The following SCAF8 variants were observed in gnomAD, a reference collection of about 807,000 sequenced individuals.
SCAF8 encodes the protein SR-related CTD associated factor 8.
Under a neutral mutation model 140.5 loss-of-function variants are expected in SCAF8, and 23 were observed. The observed-to-expected ratio is 0.16, with a 90% CI of 0.12 to 0.23. The LOEUF is 0.23. Among genes scored for constraint, SCAF8 ranks in the 10% least tolerant of loss-of-function variants. The pLI, the probability that SCAF8 is intolerant of heterozygous loss-of-function variation, is 1.00. For missense variants in SCAF8, 1,397 were observed against 1,555.7 expected, an observed-to-expected ratio of 0.90 and a Z score of 1.72; for synonymous variants, 575 against 528.9, an observed-to-expected ratio of 1.09 and a Z score of -1.20.
At chr6:154,826,993 T>C (rs527246666) in intron 17 of SCAF8, among the ~76,000 whole-genome samples, 179 bp from the exon 18 acceptor site, 1 of 152,270 alleles carries the variant, frequency 6.6e-6, no homozygotes, top group East Asian at 1.9e-4. Context: ...ACCTAGCTTA[T>C]TAGGGATCAA....
Position 154,733,897 on chromosome 6 carries a change from C to A in SCAF8, c.-4C>A. ...GCCGGGCTCGGGGCCTCCGCAGCGA[C>A]AACATGGAGGCCGTGAAGACCTTCA... On this transcript the variant is annotated 5_prime_UTR_variant, in exon 1 of 20. Coordinates refer to ENST00000367178, the MANE Select transcript of SCAF8 (RefSeq NM_014892.5). 6.5e-7 allele frequency: 1 copy of A among 1,544,614 alleles called. No homozygotes were observed. Among genetic ancestry groups the A allele is most frequent in the South Asian group, 1.2e-5 (1 of 83,812 alleles).
chr6:154,794,813 G>T, intron 5 of SCAF8, among the ~76,000 whole-genome samples, 196 bp from the exon 6 acceptor site: 1 of 88,344 alleles, frequency 1.1e-5, no homozygotes, highest in Non-Finnish European at 2.3e-5. Flanking sequence ...GTGTGTGTGT[G>T]TGTGTGTGTG....
rs1778045321 is a variant in SCAF8 at position 154,810,100 on chromosome 6, A to G, written c.1312A>G (p.Arg438Gly). Reference sequence around the variant, plus strand: ...GCGATCACGCTCCCGCTCAAGAGAAAGAAAGAGGAAATCATCACGGTCGTA... The same window carrying G: ...GCGATCACGCTCCCGCTCAAGAGAAGGAAAGAGGAAATCATCACGGTCGTA... ...RKRSRSRSRERKRKSSRSYSS... is the reference protein window; with the variant it reads ...RKRSRSRSREGKRKSSRSYSS... Residue 438 changes from arginine to glycine, a missense_variant, in exon 12 of 20, where the codon AGA becomes GGA. Around this residue, in one of 5 missense-constraint regions of SCAF8, gnomAD observed 339 missense variants for 407.5 expected, o/e 0.83. Transcript: ENST00000367178. 11 of 1,614,082 alleles carry G rather than the reference A, an allele frequency of 6.8e-6. No homozygotes were observed. Among genetic ancestry groups the G allele is most frequent in the Admixed American group, 1.7e-5 (1 of 60,010 alleles).
At chr6:154,780,843 G>A (rs1777064008) in intron 3 of SCAF8, among the ~76,000 whole-genome samples, 1 of 152,100 alleles carries the variant, frequency 6.6e-6, no homozygotes, top group African/African-American at 2.4e-5. Context: ...ACGTGTGCAT[G>A]CGTCTTTATG....
At chr6:154,821,472 A>G (rs866924657) in intron 15 of SCAF8, among the ~76,000 whole-genome samples, 24 of 152,178 alleles carry the variant, frequency 1.6e-4, no homozygotes, top group African/African-American at 5.1e-4. Context: ...AAAAACAGAT[A>G]ATAAACAAAA....
At chr6:154,734,190 G>C (rs1166082745) in intron 1 of SCAF8, among the ~76,000 whole-genome samples, 1 of 152,214 alleles carries the variant, frequency 6.6e-6, no homozygotes, top group Non-Finnish European at 1.5e-5. Flanking sequence ...CTGCGAGCTC[G>C]GAGGGAAAGA....
intron 3 of SCAF8, among the ~76,000 whole-genome samples, chr6:154,780,163 C>CA (rs1777044570): frequency 6.6e-6 from 1 of 152,098 alleles, no homozygotes; most frequent in Admixed American, 6.6e-5. Flanking sequence ...ATACTCGACT[C>CA]ACCTCCTCCT....
rs772722201 is a variant in SCAF8 at position 154,831,953 on chromosome 6, A to G, written c.2374A>G (p.Ile792Val). Residue 792 changes from isoleucine to valine, a missense_variant, in exon 20 of 20, where the codon ATT becomes GTT. Physicochemically the swap from Ile to Val is conservative, Grantham distance 29. Transcript: ENST00000367178. ...TTTTTTTTTAGTGATTCCAAATGAT[A>G]TTTCAAGTAATGCTGCAATTTTAGG... The part of the protein sequence containing the change: ...ENTRSVIPND[I>V]SSNAAILGGQ... The G allele has an allele frequency of 2.6e-5, 41 of 1,591,916 alleles. 1 individual carries two copies. The South Asian group carries it at 4.6e-4, about 18-fold the overall frequency.
chr6:154,736,838 C>T (rs1341374648), intron 1 of SCAF8, among the ~76,000 whole-genome samples: 1 of 152,124 alleles, frequency 6.6e-6, no homozygotes, highest in East Asian at 1.9e-4. Flanking sequence ...GAACTTAAGT[C>T]TTGTAACTTC....
At chr6:154,792,715 G>T in intron 4 of SCAF8, 108 bp from the exon 5 acceptor site, 1 of 683,824 alleles carries the variant, frequency 1.5e-6, no homozygotes. Context: ...TACCATTGAA[G>T]TATTTTAATT....
intron 1 of SCAF8, among the ~76,000 whole-genome samples, chr6:154,746,100 G>A (rs1778692733): frequency 6.6e-6 from 1 of 152,130 alleles, no homozygotes; most frequent in Non-Finnish European, 1.5e-5. Context: ...TGGCCAGGCT[G>A]GTCTTGAACT....
chr6:154,794,353 A>G (rs1215830066), intron 5 of SCAF8, among the ~76,000 whole-genome samples: 1 of 152,136 alleles, frequency 6.6e-6, no homozygotes, highest in African/African-American at 2.4e-5. Context: ...GCTGTTAAGT[A>G]TTGTAGGCTT....
Position 154,820,174 on chromosome 6 carries a change from T to C in SCAF8, c.1636-3T>C, listed in dbSNP as rs1389751379. 6.3e-7 allele frequency: 1 copy of C among 1,582,446 alleles called. No individual in the cohort carries two copies. Among genetic ancestry groups the C allele is most frequent in the Non-Finnish European group, 8.5e-7 (1 of 1,170,748 alleles). On this transcript the variant is annotated splice_polypyrimidine_tract_variant and splice_region_variant and intron_variant, in intron 14 of 19. Coordinates refer to ENST00000367178, the MANE Select transcript of SCAF8 (RefSeq NM_014892.5). Reference sequence around the variant, plus strand: ...TCTTTTTTCCTCTTCCCATTTACAATAGATCGCTTGGGCTTTAAACAAAGG... The same window carrying C: ...TCTTTTTTCCTCTTCCCATTTACAACAGATCGCTTGGGCTTTAAACAAAGG...
At chr6:154,820,411 A>G (rs1158835245) in intron 15 of SCAF8, 78 bp downstream of exon 15, 23 of 1,193,498 alleles carry the variant, frequency 1.9e-5, no homozygotes, top group Admixed American at 4.6e-5. Context: ...TTGGGATGAC[A>G]GCGTTAACTG....
chr6:154,811,395 GTTTT>G (rs578123121), intron 12 of SCAF8, among the ~76,000 whole-genome samples: 1 of 143,314 alleles, frequency 7.0e-6, no homozygotes. Flanking sequence ...TGTTTACACA[GTTTT>G]TTTTTTTTTA....
At chr6:154,802,792 A>G (rs1777807486) in intron 7 of SCAF8, among the ~76,000 whole-genome samples, 1 of 152,150 alleles carries the variant, frequency 6.6e-6, no homozygotes, top group Non-Finnish European at 1.5e-5. Flanking sequence ...TGGGTTCTGT[A>G]ATTTGGACCT....
At chr6:154,744,120 CTG>C (rs1263505987) in intron 1 of SCAF8, among the ~76,000 whole-genome samples, 1 of 152,186 alleles carries the variant, frequency 6.6e-6, no homozygotes, top group Non-Finnish European at 1.5e-5. Flanking sequence ...TGTTGAAACC[CTG>C]TCTCTACTAA....
Position 154,815,797 on chromosome 6 carries a change from G to T in SCAF8, c.1502G>T (p.Gly501Val). 1 of 1,610,434 alleles carries T rather than the reference G, an allele frequency of 6.2e-7. No homozygotes were observed. The highest frequency in any genetic ancestry group is 1.1e-5 in the South Asian group (1 of 90,952). The change falls in exon 13 of 20, where the codon GGA (glycine) becomes GTA (valine). Residue 501 changes from glycine (G) to valine (V), a missense_variant. Gly to Val is a moderately radical substitution (Grantham distance 109). This residue lies in a region of SCAF8 where 59 missense variants were observed against 110.7 expected (regional missense o/e 0.53). Transcript: ENST00000367178. ...QDLTNLFEEF[G>V]QIESINMIPP... ...TTAACCAACCTGTTTGAAGAGTTTG[G>T]ACAGATTGAATCCATTAATGCAAGT...
intron 4 of SCAF8, among the ~76,000 whole-genome samples, chr6:154,792,136 T>G (rs1463646578): frequency 2.0e-5 from 3 of 152,094 alleles, no homozygotes; most frequent in Non-Finnish European, 4.4e-5. Flanking sequence ...AGTATGACAT[T>G]GACATTCTGC....
Sources: gnomAD v4.1 joint callset for allele counts (sites outside exome capture counted in the v4.1 genomes callset) on GRCh38, gnomAD v4.1.1 for gene constraint, gnomAD v4.1.1 regional missense constraint, MANE v1.5 for transcripts, NCBI Gene and HGNC (gene_info 2026-07-23, HGNC 2026-07-21) for gene names.